KDR: variants seen among roughly 807,000 people sequenced by gnomAD.
The protein encoded by KDR is kinase insert domain receptor.
In KDR, 43 loss-of-function variants were observed where a neutral mutation model predicts 160.9. The ratio of observed to expected loss-of-function variants is 0.27; its 90% confidence interval spans 0.21 to 0.34. The LOEUF (loss-of-function observed/expected upper bound fraction) is 0.34, where lower values mean the gene tolerates loss of function less well. Among genes scored for constraint, KDR ranks in the 10% least tolerant of loss-of-function variants. KDR has a pLI of 1.00. For missense variants in KDR, 1,469 were observed against 1,666.4 expected, an observed-to-expected ratio of 0.88 and a Z score of 2.06; for synonymous variants, 617 against 600.1, an observed-to-expected ratio of 1.03 and a Z score of -0.41.
At chr4:55,085,042 C>A (rs969969088) in intron 27 of KDR, among the ~76,000 whole-genome samples, 1 of 152,130 alleles carries the variant, frequency 6.6e-6, no homozygotes, top group Non-Finnish European at 1.5e-5. Flanking sequence ...TGGTATGTAC[C>A]AAAACCTTTC....
rs868218777 is a variant in KDR, at chr4:55,108,014, C to T, written c.1256-121G>A. ...ATGATTTTGCTTCCACTTTCTTTTT[C>T]GAAGAACACCTAGATGTGGAAACAA... On this transcript the variant is annotated intron_variant, in intron 9 of 29. Coordinates refer to ENST00000263923, the MANE Select transcript of KDR (RefSeq NM_002253.4). 7.4e-5 allele frequency: 76 copies of T among 1,025,238 alleles called. No homozygotes were observed. The South Asian group carries it at 8.7e-4, about 12-fold the overall frequency. 63.5% of individuals were successfully genotyped at this position (1,025,238 alleles called of 1,614,324 possible).
At chr4:55,110,329 C>G (rs955447900) in intron 9 of KDR, 74 bp downstream of exon 9, 4 of 1,473,010 alleles carry the variant, frequency 2.7e-6, no homozygotes, top group Non-Finnish European at 3.8e-6. Flanking sequence ...GGCAGAGGAA[C>G]GGTGGTTTGG....
chr4:55,095,553 G>A (rs778547957), intron 20 of KDR, 24 bp downstream of exon 20: 1 of 1,510,670 alleles, frequency 6.6e-7, no homozygotes, highest in East Asian at 2.3e-5. Context: ...AACATGGCCA[G>A]AGCAGGATTA....
rs771471170 is a variant in KDR at position 55,088,983 on chromosome 4, C to A, written c.3405-10G>T. The stretch of plus-strand genomic sequence containing the variant: ...CAGCATGGTCTGGTACCTAGAGAAG[C>A]AAAACACTGATTTCATTAAATGCCT... On this transcript the variant is annotated splice_polypyrimidine_tract_variant and intron_variant, in intron 25 of 29. Transcript: ENST00000263923. 1.9e-6 allele frequency: 3 copies of A among 1,574,278 alleles called. No individual in the cohort carries two copies. Among genetic ancestry groups the A allele is most frequent in the African/African-American group, 2.7e-5 (2 of 74,092 alleles).
At position 55,125,384 on chromosome 4, in the gene KDR, C is replaced by T. The variant is rs1444926827; in HGVS notation, c.-91G>A. The T allele has an allele frequency of 2.8e-6, 4 of 1,453,050 alleles. No individual in the cohort carries two copies. The African/African-American group carries it at 5.6e-5, about 20-fold the overall frequency. 90.0% of individuals were successfully genotyped at this position (1,453,050 alleles called of 1,614,324 possible). A position where few individuals can be genotyped will look rare whatever the true frequency, so the allele number is the denominator to read the frequency against. On this transcript the variant is annotated 5_prime_UTR_variant, in exon 1 of 30. Coordinates refer to ENST00000263923, the MANE Select transcript of KDR (RefSeq NM_002253.4). Reference sequence around the variant, plus strand: ...TAGAGAAGGAGGCGCGGAGGTGGAACTCGCGGCACCCCGCAGCGCAGGACA... The same window carrying T: ...TAGAGAAGGAGGCGCGGAGGTGGAATTCGCGGCACCCCGCAGCGCAGGACA...
intron 17 of KDR, 25 bp downstream of exon 17, chr4:55,098,112 A>G: frequency 1.2e-6 from 2 of 1,613,648 alleles, no homozygotes; most frequent in South Asian, 1.1e-5. Context: ...ACACAATATC[A>G]AATTAATAGC....
chr4:55,096,003 T>C (rs935005578), intron 19 of KDR, among the ~76,000 whole-genome samples: 2 of 152,166 alleles, frequency 1.3e-5, no homozygotes, highest in African/African-American at 4.8e-5. Context: ...GTTACACAAG[T>C]AACAAACTGT....
chr4:55,084,614 G>A (rs1719813303), intron 27 of KDR, among the ~76,000 whole-genome samples: 2 of 152,136 alleles, frequency 1.3e-5, no homozygotes, highest in African/African-American at 4.8e-5. Flanking sequence ...AGGGAGTCAA[G>A]GATTAGGGAG....
chr4:55,084,810 G>A (rs1339837279), intron 27 of KDR, among the ~76,000 whole-genome samples: 2 of 152,202 alleles, frequency 1.3e-5, no homozygotes, highest in African/African-American at 4.8e-5. Flanking sequence ...CCCAGTATGT[G>A]CACAGCACTG....
intron 15 of KDR, 27 bp downstream of exon 15, chr4:55,101,870 T>C (rs1361666477): frequency 6.3e-7 from 1 of 1,590,610 alleles, no homozygotes; most frequent in Non-Finnish European, 8.6e-7. Context: ...GGTGTATATG[T>C]ACCACATTTT....
At chr4:55,096,760 C>A in intron 18 of KDR, 1 of 279,798 alleles carries the variant, frequency 3.6e-6, no homozygotes, top group Non-Finnish European at 6.9e-6. Context: ...AGGGGCTATA[C>A]CGAATGTTCC....
At chr4:55,088,725 T>C in intron 26 of KDR, 143 bp downstream of exon 26, 1 of 706,914 alleles carries the variant, frequency 1.4e-6, no homozygotes. Flanking sequence ...TAGAAAAGCA[T>C]TATTACTCAG....
At chr4:55,101,682 T>C (rs933660141) in intron 15 of KDR, among the ~76,000 whole-genome samples, 4 of 152,178 alleles carry the variant, frequency 2.6e-5, no homozygotes, top group Non-Finnish European at 4.4e-5. Context: ...CAGTGTGTGT[T>C]GTTCCCTTCC....
At chr4:55,121,946 G>GA (rs1720891675) in intron 1 of KDR, among the ~76,000 whole-genome samples, 1 of 151,982 alleles carries the variant, frequency 6.6e-6, no homozygotes, top group African/African-American at 2.4e-5. Flanking sequence ...ATATTTTCGT[G>GA]AAAAATTTTC....
At chr4:55,108,822 C>T (rs976551429) in intron 9 of KDR, among the ~76,000 whole-genome samples, 1 of 151,732 alleles carries the variant, frequency 6.6e-6, no homozygotes, top group Non-Finnish European at 1.5e-5. Flanking sequence ...AAAACTATTT[C>T]CTTATTACTG....
chr4:55,099,992 G>T (rs1038325872), intron 15 of KDR, among the ~76,000 whole-genome samples: 3 of 152,178 alleles, frequency 2.0e-5, no homozygotes, highest in Non-Finnish European at 4.4e-5. Context: ...GATGCTCAGG[G>T]CTTCAGAGGA....
chr4:55,119,077 C>T lies in KDR; in HGVS notation c.162-277G>A, dbSNP rs548948205. ...TACAAAAATGAGCCAGGTGTGGTGG[C>T]GCATGCCTGTAATCCCAGCTACTCA... On this transcript the variant is annotated intron_variant, in intron 2 of 29. Transcript: ENST00000263923. Among the ~76,000 whole-genome samples, 194 of 152,100 alleles carry T rather than the reference C, an allele frequency of 1.3e-3. 1 individual carries two copies. Among genetic ancestry groups the T allele is most frequent in the African/African-American group, 4.0e-3 (168 of 41,494 alleles).
intron 18 of KDR, among the ~76,000 whole-genome samples, chr4:55,097,055 T>C (rs1176097719): frequency 6.6e-6 from 1 of 152,144 alleles, no homozygotes; most frequent in Non-Finnish European, 1.5e-5. Flanking sequence ...TGAAAGAACA[T>C]CACAATTGAA....
intron 16 of KDR, among the ~76,000 whole-genome samples, 168 bp from the exon 17 acceptor site, chr4:55,098,440 C>T (rs1432946414): frequency 6.6e-6 from 1 of 152,046 alleles, no homozygotes; most frequent in Non-Finnish European, 1.5e-5. Context: ...TCCCTTGTCC[C>T]CCAAAGGAGC....
Sources: allele counts gnomAD v4.1 joint callset (sites outside exome capture counted in the v4.1 genomes callset), GRCh38; gene constraint gnomAD v4.1.1; transcripts MANE v1.5; gene names NCBI Gene and HGNC (gene_info 2026-07-23, HGNC 2026-07-21).